HSF2BP: variants seen among roughly 807,000 people sequenced by gnomAD.
HSF2BP encodes the protein heat shock transcription factor 2 binding protein.
A neutral mutation model predicts 35.0 loss-of-function variants in HSF2BP; 35 were observed. The ratio of observed to expected loss-of-function variants is 1.00; its 90% CI spans 0.76 to 1.32. The LOEUF (loss-of-function observed/expected upper bound fraction) is 1.32. Ranked by LOEUF, HSF2BP falls within the 40% of genes most tolerant of loss-of-function variation. HSF2BP has a pLI of 0.00. For synonymous variants in HSF2BP, 114 were observed against 117.4 expected (o/e 0.97, Z 0.18); for missense variants, 326 against 321.7 (o/e 1.01, Z -0.10).
At chr21:43,578,879 G>A (rs1002018438) in intron 8 of HSF2BP, among the ~76,000 whole-genome samples, 3 of 152,342 alleles carry the variant, frequency 2.0e-5, no homozygotes, top group Non-Finnish European at 4.4e-5. Flanking sequence ...GGCTTAGGAG[G>A]GGCATGAGCC....
intron 6 of HSF2BP, among the ~76,000 whole-genome samples, chr21:43,625,059 G>A (rs1297447709): frequency 1.3e-5 from 2 of 152,154 alleles, no homozygotes; most frequent in South Asian, 2.1e-4. Flanking sequence ...TTAAAGAACA[G>A]TGACTACAGT....
intron 7 of HSF2BP, among the ~76,000 whole-genome samples, chr21:43,606,685 T>C (rs1438158272): frequency 6.6e-6 from 1 of 152,076 alleles, no homozygotes; most frequent in East Asian, 1.9e-4. Flanking sequence ...CCTAAACATG[T>C]TCAAGTCATT....
At chr21:43,620,230 C>T (rs1449507611) in intron 6 of HSF2BP, among the ~76,000 whole-genome samples, 1 of 152,142 alleles carries the variant, frequency 6.6e-6, no homozygotes, top group Non-Finnish European at 1.5e-5. Flanking sequence ...CCACGGCCTC[C>T]CCAAACAGAC....
intron 1 of HSF2BP, 45 bp from the exon 2 acceptor site, chr21:43,658,365 A>T: frequency 2.0e-6 from 1 of 511,194 alleles, no homozygotes; most frequent in Non-Finnish European, 3.4e-6. Context: ...AGTGTCAAGT[A>T]AAATAAATCG....
intron 7 of HSF2BP, among the ~76,000 whole-genome samples, chr21:43,592,574 G>C (rs2081940169): frequency 6.6e-6 from 1 of 152,166 alleles, no homozygotes; most frequent in African/African-American, 2.4e-5. Context: ...CGATTGCAGA[G>C]AGGGTCCCAC....
At chr21:43,579,236 C>T (rs2081688129) in intron 8 of HSF2BP, among the ~76,000 whole-genome samples, 2 of 152,192 alleles carry the variant, frequency 1.3e-5, no homozygotes, top group Non-Finnish European at 2.9e-5. Flanking sequence ...CAATCCTAAA[C>T]ACCCAGATCC....
At chr21:43,632,679 T>C (rs887840727) in intron 5 of HSF2BP, among the ~76,000 whole-genome samples, 1 of 152,170 alleles carries the variant, frequency 6.6e-6, no homozygotes, top group Non-Finnish European at 1.5e-5. Flanking sequence ...CTCTTCAGCC[T>C]ACTCAATTTG....
At chr21:43,599,867 C>CAAA (rs11379827) in intron 7 of HSF2BP, among the ~76,000 whole-genome samples, 7,479 of 132,380 alleles carry the variant, frequency 0.056, 389 homozygotes, top group African/African-American at 0.13. Flanking sequence ...CTTCCAATGA[C>CAAA]AAAAAAAAAA....
chr21:43,625,518 T>C (rs2082379315), intron 6 of HSF2BP, among the ~76,000 whole-genome samples: 1 of 152,050 alleles, frequency 6.6e-6, no homozygotes, highest in Non-Finnish European at 1.5e-5. Context: ...AATGACTGTA[T>C]ACTTTTGTAG....
At chr21:43,467,541 T>G in the HSF2BP span, among the ~76,000 whole-genome samples, 1 of 143,164 alleles carries the variant, frequency 7.0e-6, no homozygotes, top group African/African-American at 2.7e-5. Context: ...CTCAAAACTC[T>G]TATTTCAGGG....
At chr21:43,467,931 CCACA>C in the HSF2BP span, among the ~76,000 whole-genome samples, 12 of 114,226 alleles carry the variant, frequency 1.1e-4, no homozygotes, top group South Asian at 2.4e-3. Context: ...ACACCACACA[CCACA>C]CACACACACC....
chr21:43,585,025 G>A (rs985248021), intron 8 of HSF2BP, among the ~76,000 whole-genome samples: 2 of 140,598 alleles, frequency 1.4e-5, no homozygotes, highest in African/African-American at 3.2e-5. Flanking sequence ...TTTATTTTGC[G>A]GCCAGGAACA....
chr21:43,647,165 AAAT>A (rs890517871), intron 3 of HSF2BP, among the ~76,000 whole-genome samples: 19 of 152,220 alleles, frequency 1.2e-4, no homozygotes, highest in Admixed American at 3.9e-4. Context: ...CCAGAGACAG[AAAT>A]AATATGAACA....
At chr21:43,468,095 C>G in the HSF2BP span, among the ~76,000 whole-genome samples, 2 of 134,682 alleles carry the variant, frequency 1.5e-5, no homozygotes, top group Admixed American at 1.5e-4. Flanking sequence ...ACACCACATA[C>G]CACACACCAC....
At chr21:43,606,183 T>C (rs764470790) in intron 7 of HSF2BP, among the ~76,000 whole-genome samples, 4 of 151,810 alleles carry the variant, frequency 2.6e-5, no homozygotes, top group Non-Finnish European at 4.4e-5. Flanking sequence ...TCCACCAGTG[T>C]GGAAATGAGT....
intron 7 of HSF2BP, among the ~76,000 whole-genome samples, chr21:43,605,021 AT>A (rs2082113719): frequency 6.8e-6 from 1 of 146,246 alleles, no homozygotes. Flanking sequence ...CCACACACAC[AT>A]CACACACACC....
chr21:43,600,152 T>C (rs1401598582), intron 7 of HSF2BP, among the ~76,000 whole-genome samples: 1 of 152,166 alleles, frequency 6.6e-6, no homozygotes, highest in Non-Finnish European at 1.5e-5. Flanking sequence ...AAGCACAAGG[T>C]GTGAAAAGCA....
Position 43,644,293 on chromosome 21 carries a change from TTC to T in HSF2BP, c.285_286del (p.Lys96GlufsTer12), listed in dbSNP as rs1426184603. 1.2e-6 allele frequency: 2 copies of T among 1,612,994 alleles called. No individual in the cohort carries two copies. The highest frequency in any genetic ancestry group is 1.7e-6 in the Non-Finnish European group (2 of 1,179,020). Reference sequence around the variant, plus strand: ...GTCTGTCCCTGAGCATGGTACCTTCTTCTCTCTTATGTTGTCGGCCTGCACGG... The same window carrying T: ...GTCTGTCCCTGAGCATGGTACCTTCTTCTCTTATGTTGTCGGCCTGCACGG... On this transcript the variant is annotated frameshift_variant, in exon 4 of 9. Transcript: ENST00000291560. LOFTEE classifies it high-confidence loss of function.
chr21:43,583,825 T>C (rs1365171645), intron 8 of HSF2BP, among the ~76,000 whole-genome samples: 2 of 116,004 alleles, frequency 1.7e-5, no homozygotes, highest in South Asian at 3.0e-4. Context: ...AAGGGCCTGC[T>C]GAGGGAGATG....
Sources: allele counts gnomAD v4.1 joint callset (sites outside exome capture counted in the v4.1 genomes callset), GRCh38; gene constraint gnomAD v4.1.1; transcripts MANE v1.5; gene names NCBI Gene and HGNC (gene_info 2026-07-23, HGNC 2026-07-21).